The following IFT56 variants were observed in gnomAD, a reference collection of about 807,000 sequenced individuals.
The protein encoded by IFT56 is intraflagellar transport protein 56.
the IFT56 span, chr7:139,147,173 T>G: frequency 6.2e-7 from 1 of 1,613,190 alleles, no homozygotes; most frequent in Non-Finnish European, 8.5e-7. Flanking sequence ...TTGATGAGCT[T>G]TCATCAAAAT....
At chr7:139,157,979 G>A in the IFT56 span, among the ~76,000 whole-genome samples, 1 of 151,964 alleles carries the variant, frequency 6.6e-6, no homozygotes, top group African/African-American at 2.4e-5. Flanking sequence ...TGTGGTGGTG[G>A]GTTGCCAAAG....
chr7:139,172,533 T>C, the IFT56 span: 12 of 499,044 alleles, frequency 2.4e-5, no homozygotes, highest in Non-Finnish European at 4.8e-5. Flanking sequence ...GCCCGGAGAT[T>C]CTTGCTGCTG....
At chr7:139,177,133 C>T in the IFT56 span, among the ~76,000 whole-genome samples, 1 of 148,904 alleles carries the variant, frequency 6.7e-6, no homozygotes, top group East Asian at 2.0e-4. Flanking sequence ...GATCGCACCA[C>T]TGCACTTCAC....
the IFT56 span, among the ~76,000 whole-genome samples, chr7:139,141,934 T>G: frequency 1.3e-5 from 2 of 152,180 alleles, no homozygotes; most frequent in African/African-American, 4.8e-5. Context: ...TTACCACTGT[T>G]TGGTTTGGTA....
the IFT56 span, chr7:139,147,373 T>C: frequency 1.1e-5 from 13 of 1,169,752 alleles, no homozygotes; most frequent in Non-Finnish European, 1.6e-5. Context: ...TAGTGTCCTC[T>C]GGATCTAGTA....
the IFT56 span, chr7:139,139,937 G>C: frequency 3.1e-6 from 5 of 1,612,766 alleles, no homozygotes; most frequent in Admixed American, 1.7e-5. Context: ...CTGAAGTCTG[G>C]GTGAACCTAG....
the IFT56 span, among the ~76,000 whole-genome samples, chr7:139,164,180 T>C: frequency 3.9e-5 from 6 of 152,212 alleles, no homozygotes; most frequent in East Asian, 9.6e-4. Flanking sequence ...CTTGTTACAG[T>C]AGTGGGCATA....
At chr7:139,169,744 C>T in the IFT56 span, among the ~76,000 whole-genome samples, 2 of 152,180 alleles carry the variant, frequency 1.3e-5, no homozygotes, top group African/African-American at 2.4e-5. Flanking sequence ...GGCATGCTGG[C>T]TTAGGCTTGT....
the IFT56 span, chr7:139,147,156 G>GA: frequency 6.2e-7 from 1 of 1,612,268 alleles, no homozygotes; most frequent in South Asian, 1.1e-5. Flanking sequence ...TTAATGATGA[G>GA]AAAAAATTGA....
the IFT56 span, among the ~76,000 whole-genome samples, chr7:139,143,090 CTTAG>C: frequency 6.6e-6 from 1 of 151,670 alleles, no homozygotes; most frequent in Non-Finnish European, 1.5e-5. Context: ...TTCAGTGTTT[CTTAG>C]TTATTTGACT....
the IFT56 span, among the ~76,000 whole-genome samples, chr7:139,146,227 T>C: frequency 6.6e-6 from 1 of 152,214 alleles, no homozygotes; most frequent in African/African-American, 2.4e-5. Context: ...TAAGGGTCAC[T>C]GTCAAAAATA....
the IFT56 span, among the ~76,000 whole-genome samples, chr7:139,185,786 C>G: frequency 1.3e-5 from 2 of 151,770 alleles, no homozygotes; most frequent in African/African-American, 4.9e-5. Flanking sequence ...TTTCATTTAC[C>G]ATCCTGTATG....
chr7:139,156,564 C>T, the IFT56 span, among the ~76,000 whole-genome samples: 1 of 151,708 alleles, frequency 6.6e-6, no homozygotes, highest in Admixed American at 6.6e-5. Flanking sequence ...TTTTTGGTTT[C>T]TTTGGCCCAT....
At chr7:139,177,037 T>C in the IFT56 span, among the ~76,000 whole-genome samples, 3 of 151,530 alleles carry the variant, frequency 2.0e-5, no homozygotes, top group Non-Finnish European at 2.9e-5. Context: ...CCAGGTGTGG[T>C]GGTGTGTGCC....
chr7:139,153,098 G>A, the IFT56 span, among the ~76,000 whole-genome samples: 2 of 151,088 alleles, frequency 1.3e-5, no homozygotes, highest in Non-Finnish European at 2.9e-5. Context: ...GCAATGAGCC[G>A]AGATTGCGCC....
At chr7:139,184,340 T>C in the IFT56 span, among the ~76,000 whole-genome samples, 6,312 of 152,246 alleles carry the variant, frequency 0.041, 442 homozygotes, top group African/African-American at 0.14. Context: ...GGAGTCCCTG[T>C]TGCATTTGCA....
the IFT56 span, chr7:139,173,650 T>G: frequency 1.3e-6 from 1 of 777,082 alleles, no homozygotes; most frequent in South Asian, 1.3e-5. Context: ...TCTTTTCTTC[T>G]GGGATATAAT....
At chr7:139,191,179 A>G in the IFT56 span, 5 of 152,326 alleles carry the variant, frequency 3.3e-5, no homozygotes, top group South Asian at 6.2e-4. Context: ...TCAGAGCACA[A>G]ATCAAAATAA....
the IFT56 span, chr7:139,173,169 C>T: frequency 8.4e-5 from 51 of 606,608 alleles, no homozygotes; most frequent in Non-Finnish European, 1.4e-4. Context: ...CCTCCTGGAT[C>T]GTATTAGTGT....
Sources: allele counts gnomAD v4.1 joint callset (sites outside exome capture counted in the v4.1 genomes callset), GRCh38; gene constraint gnomAD v4.1.1; transcripts MANE v1.5; gene names NCBI Gene and HGNC (gene_info 2026-07-23, HGNC 2026-07-21).